CUX1: variants seen among roughly 807,000 people sequenced by gnomAD.
The protein encoded by CUX1 is protein CASP.
CUX1 carries 31 observed loss-of-function variants against 158.8 expected under a neutral mutation model. The observed-to-expected ratio is 0.20, with a 90% confidence interval of 0.15 to 0.26. The LOEUF (loss-of-function observed/expected upper bound fraction) is 0.26, where lower values mean the gene tolerates loss of function less well. Ranked by LOEUF, CUX1 falls within the 10% of genes least tolerant of loss-of-function variation. The pLI is 1.00. For missense variants in CUX1, 1,589 were observed against 2,014.6 expected (o/e 0.79, Z 4.04); for synonymous variants, 879 against 862.1 (o/e 1.02, Z -0.34).
At chr7:102,053,106 G>A (rs1268935433) in intron 3 of CUX1, among the ~76,000 whole-genome samples, 1 of 152,086 alleles carries the variant, frequency 6.6e-6, no homozygotes, top group Non-Finnish European at 1.5e-5. Flanking sequence ...CACCGCAGCC[G>A]GCCCCATTAT....
intron 2 of CUX1, among the ~76,000 whole-genome samples, chr7:101,924,278 G>A (rs1169319345): frequency 1.3e-5 from 2 of 152,094 alleles, no homozygotes; most frequent in Admixed American, 1.3e-4. Flanking sequence ...TATAGTTGTG[G>A]CCTGGGCCCA....
At chr7:102,275,472 G>T (rs954250506) in intron 17 of CUX1, 12 of 852,400 alleles carry the variant, frequency 1.4e-5, no homozygotes, top group Non-Finnish European at 2.2e-5. Context: ...AGGGGGAAGA[G>T]ATTTGTTCTG....
chr7:102,017,598 C>T (rs1403821281), intron 2 of CUX1, among the ~76,000 whole-genome samples: 3 of 149,072 alleles, frequency 2.0e-5, no homozygotes, highest in Admixed American at 6.6e-5. Context: ...TGTAACCCAG[C>T]GCTTCGGTAG....
At chr7:102,205,359 G>A (rs1157969122) in intron 20 of CUX1, among the ~76,000 whole-genome samples, 189 bp downstream of exon 20, 2 of 152,224 alleles carry the variant, frequency 1.3e-5, no homozygotes, top group Non-Finnish European at 2.9e-5. Flanking sequence ...CGAGCTGACA[G>A]TGCATGGAGG....
intron 22 of CUX1, among the ~76,000 whole-genome samples, chr7:102,236,632 G>A (rs1799595442): frequency 6.6e-6 from 1 of 152,104 alleles, no homozygotes; most frequent in Non-Finnish European, 1.5e-5. Flanking sequence ...AGAAAATGCT[G>A]TCATGAACCC....
At chr7:102,233,808 A>G (rs1448449021) in intron 21 of CUX1, among the ~76,000 whole-genome samples, 1 of 152,100 alleles carries the variant, frequency 6.6e-6, no homozygotes, top group Non-Finnish European at 1.5e-5. Context: ...AATAATAAAG[A>G]GAAATGTCAT....
chr7:102,053,007 A>G (rs1585433560), intron 3 of CUX1, among the ~76,000 whole-genome samples: 2 of 152,068 alleles, frequency 1.3e-5, no homozygotes, highest in Admixed American at 1.3e-4. Context: ...ACAGGGTTTC[A>G]CCATGTTGGC....
intron 1 of CUX1, among the ~76,000 whole-genome samples, chr7:101,827,359 G>T (rs189159838): frequency 6.6e-6 from 1 of 151,702 alleles, no homozygotes; most frequent in East Asian, 1.9e-4. Flanking sequence ...AGGTTAGAGT[G>T]CAGTGACATA....
chr7:101,871,999 C>G (rs1387389061), intron 1 of CUX1, among the ~76,000 whole-genome samples: 2 of 145,118 alleles, frequency 1.4e-5, no homozygotes, highest in African/African-American at 5.1e-5. Context: ...GCCTTGGCGA[C>G]AGAGCGAGAC....
intron 1 of CUX1, among the ~76,000 whole-genome samples, chr7:101,879,818 A>T (rs1799535492): frequency 6.6e-6 from 1 of 152,220 alleles, no homozygotes; most frequent in African/African-American, 2.4e-5. Flanking sequence ...CAGCTGGCTG[A>T]GTGGGGTTCT....
chr7:102,248,852 A>G lies in CUX1; in HGVS notation c.4328A>G (p.Asn1443Ser). 1.6e-6 allele frequency: 2 copies of G among 1,246,636 alleles called. No homozygotes were observed. Among genetic ancestry groups the G allele is most frequent in the East Asian group, 3.8e-5 (1 of 26,600 alleles). The allele number at this position is 1,246,636 out of a possible 1,614,324, so 77.2% of individuals were successfully genotyped here. The change falls in exon 24 of 24, where the codon AAC (asparagine) becomes AGC (serine). Residue 1443 changes from asparagine (N) to serine (S), a missense_variant. By Grantham distance (46) the Asn-to-Ser change is conservative. This residue lies in a region of CUX1 where 344 missense variants were observed against 323.7 expected (regional missense o/e 1.06). Coordinates refer to ENST00000292535, the MANE Select transcript of CUX1 (RefSeq NM_181552.4). The surrounding 1 kb of genome is among the most constrained non-coding windows in gnomAD (Gnocchi z 5.8). ...CCGAGCTCCGCGCCGCCGCCCAGCA[A>G]CAGCAGCAGCAGCAGCGCCCCCCGC... ...AAPSSAPPPS[N>S]SSSSSAPRRP... is the part of the protein sequence containing the mutation.
At chr7:101,908,407 A>G (rs2131829040) in intron 1 of CUX1, among the ~76,000 whole-genome samples, 1 of 152,254 alleles carries the variant, frequency 6.6e-6, no homozygotes, top group Admixed American at 6.5e-5. Context: ...CGGCCTCCCA[A>G]AGTGCTGGGA....
chr7:102,016,481 T>C (rs1002186632), intron 2 of CUX1, among the ~76,000 whole-genome samples: 2 of 152,222 alleles, frequency 1.3e-5, no homozygotes, highest in African/African-American at 4.8e-5. Flanking sequence ...GGAAGTCACG[T>C]GCCTCATTCC....
At chr7:101,847,357 A>G (rs1795806094) in intron 1 of CUX1, among the ~76,000 whole-genome samples, 1 of 152,156 alleles carries the variant, frequency 6.6e-6, no homozygotes, top group African/African-American at 2.4e-5. Context: ...GAGATGACCC[A>G]TGTTTGGCGG....
In CUX1 at chr7:102,249,095, G is replaced by A. The variant is rs1801186163; in HGVS notation, c.*53G>A. 1.7e-6 allele frequency: 2 copies of A among 1,211,302 alleles called. No individual in the cohort carries two copies. The highest frequency in any genetic ancestry group is 1.0e-6 in the Non-Finnish European group (1 of 969,382). The allele number at this position is 1,211,302 out of a possible 1,614,324, so 75.0% of individuals were successfully genotyped here. ...AGGCTGGGCCGCAAGGGCCTGGACG[G>A]GGTCGGACGGGGCAGGCGCTGCGGA... On this transcript the variant is annotated 3_prime_UTR_variant, in exon 24 of 24. Coordinates refer to ENST00000292535, the MANE Select transcript of CUX1 (RefSeq NM_181552.4).
chr7:102,103,230 C>T (rs1051904132), intron 5 of CUX1, among the ~76,000 whole-genome samples: 3 of 152,324 alleles, frequency 2.0e-5, no homozygotes, highest in South Asian at 2.1e-4. Flanking sequence ...GCTCTGCACA[C>T]AGCCCATGAC....
chr7:102,123,953 G>A lies in CUX1; in HGVS notation c.674+8680G>A, dbSNP rs138675735. 7.0e-3 allele frequency among the ~76,000 whole-genome samples: 1,063 copies of A among 152,198 alleles called. 13 individuals are homozygous for A. Among genetic ancestry groups the A allele is most frequent in the African/African-American group, 0.024 (1,014 of 41,536 alleles). ...TATGGGATTACAGGCATGAGCCACCGCGCCTGGCCAATAAAGCAATCATAT... is the reference window on the plus strand; with the variant it reads ...TATGGGATTACAGGCATGAGCCACCACGCCTGGCCAATAAAGCAATCATAT... On this transcript the variant is annotated intron_variant, in intron 8 of 23. Coordinates refer to ENST00000292535, the MANE Select transcript of CUX1 (RefSeq NM_181552.4).
At position 102,256,015 on chromosome 7, in the gene CUX1, T is replaced by C; in HGVS notation, c.*6973T>C. ...TCAGGTTATGAATGAGTTTGTTCAC[T>C]GTAGTTCCGTTTGTTCATGAACCGA... On this transcript the variant is annotated 3_prime_UTR_variant, in exon 24 of 24. Transcript: ENST00000292535. The C allele has an allele frequency of 5.1e-6, 5 of 985,490 alleles. No individual in the cohort carries two copies. The highest frequency in any genetic ancestry group is 6.0e-6 in the Non-Finnish European group (5 of 829,958). The allele number at this position is 985,490 out of a possible 1,614,324, so 61.0% of individuals were successfully genotyped here.
chr7:102,180,952 T>TGAGACGGAA, intron 11 of CUX1, among the ~76,000 whole-genome samples: 1 of 135,954 alleles, frequency 7.4e-6, no homozygotes, highest in African/African-American at 3.2e-5. Flanking sequence ...TTTTATTTTA[T>TGAGACGGAA]TTTATTTGAG....
Sources: allele counts gnomAD v4.1 joint callset (sites outside exome capture counted in the v4.1 genomes callset), GRCh38; gene constraint gnomAD v4.1.1; regional missense constraint gnomAD v4.1.1; non-coding constraint Gnocchi (gnomAD v3.1); transcripts MANE v1.5; gene names NCBI Gene and HGNC (gene_info 2026-07-23, HGNC 2026-07-21).